Variants in LRRTM4 observed in about 807,000 individuals in gnomAD.
LRRTM4 encodes the protein leucine-rich repeat transmembrane neuronal protein 4.
A neutral mutation model predicts 47.6 loss-of-function variants in LRRTM4; 25 were observed. That is an observed-to-expected ratio of 0.53 (90% CI 0.38 to 0.73). The LOEUF is 0.73. Among genes scored for constraint, LRRTM4 ranks in the 30% least tolerant of loss-of-function variants. The pLI, the probability that LRRTM4 is intolerant of heterozygous loss-of-function variation, is 0.00. For synonymous variants in LRRTM4, 311 were observed against 269.5 expected (o/e 1.15, Z -1.51); for missense variants, 638 against 713.4 (o/e 0.89, Z 1.20).
At chr2:77,437,321 A>G (rs1233524996) in intron 3 of LRRTM4, among the ~76,000 whole-genome samples, 1 of 152,076 alleles carries the variant, frequency 6.6e-6, no homozygotes, top group Non-Finnish European at 1.5e-5. Context: ...ATTTCACAAC[A>G]GCTTCCTATT....
chr2:76,964,360 G>A (rs1675955923), intron 3 of LRRTM4, among the ~76,000 whole-genome samples: 1 of 150,928 alleles, frequency 6.6e-6, no homozygotes, highest in African/African-American at 2.4e-5. Flanking sequence ...TGAAATATGT[G>A]GAGGAAATAA....
chr2:77,115,644 G>A (rs1572977289), intron 3 of LRRTM4, among the ~76,000 whole-genome samples: 1 of 152,136 alleles, frequency 6.6e-6, no homozygotes, highest in African/African-American at 2.4e-5. Flanking sequence ...AGTGGAACTT[G>A]GTAGCAAGAT....
At position 77,397,500 on chromosome 2, in the gene LRRTM4, T is replaced by C. The variant is rs562354085; in HGVS notation, c.1551+120818A>G. ...TATGACCTGGTCAAATTATTTATAATCTCTAAAAAGTAATTTATCAATCTA... is the reference window on the plus strand; with the variant it reads ...TATGACCTGGTCAAATTATTTATAACCTCTAAAAAGTAATTTATCAATCTA... On this transcript the variant is annotated intron_variant, in intron 3 of 3. Coordinates refer to ENST00000409884, the MANE Select transcript of LRRTM4 (RefSeq NM_001134745.3). Among the ~76,000 whole-genome samples, 11 of 151,884 alleles carry C rather than the reference T, an allele frequency of 7.2e-5. No homozygotes were observed. The South Asian group carries it at 8.3e-4, about 11-fold the overall frequency.
intron 3 of LRRTM4, among the ~76,000 whole-genome samples, chr2:77,069,025 A>T (rs564021605): frequency 2.6e-5 from 4 of 152,152 alleles, no homozygotes; most frequent in African/African-American, 4.8e-5. Context: ...TTCGTTTCCC[A>T]TAAGGTATAC....
chr2:76,968,383 T>TATATATATATATACACAC (rs797010446), intron 3 of LRRTM4, among the ~76,000 whole-genome samples: 1 of 111,426 alleles, frequency 9.0e-6, no homozygotes, highest in South Asian at 3.1e-4. Context: ...TATATATATA[T>TATATATATATATACACAC]ACACATACAT....
At chr2:76,941,190 C>T (rs1347918968) in intron 3 of LRRTM4, among the ~76,000 whole-genome samples, 2 of 151,978 alleles carry the variant, frequency 1.3e-5, no homozygotes, top group African/African-American at 4.8e-5. Context: ...AAAGGAAAGG[C>T]GATAAAGCCA....
intron 3 of LRRTM4, among the ~76,000 whole-genome samples, chr2:77,245,140 G>C (rs1675396776): frequency 6.6e-6 from 1 of 152,122 alleles, no homozygotes; most frequent in Non-Finnish European, 1.5e-5. Context: ...AAAAATAGAA[G>C]TGCTTACAGA....
intron 3 of LRRTM4, among the ~76,000 whole-genome samples, chr2:77,221,057 T>C (rs1309776288): frequency 2.6e-5 from 4 of 152,290 alleles, no homozygotes; most frequent in East Asian, 1.9e-4. Flanking sequence ...TATTCAACAT[T>C]CTTAAAGAAA....
intron 3 of LRRTM4, among the ~76,000 whole-genome samples, chr2:76,797,654 A>AAAAG (rs1351986190): frequency 6.6e-6 from 1 of 151,668 alleles, no homozygotes; most frequent in Non-Finnish European, 1.5e-5. Flanking sequence ...TGCTCCAATT[A>AAAAG]AAAGACACAG....
At chr2:76,998,961 G>A (rs12988557) in intron 3 of LRRTM4, among the ~76,000 whole-genome samples, 19,792 of 151,378 alleles carry the variant, frequency 0.13, 1,573 homozygotes, top group Non-Finnish European at 0.18. Context: ...GTAACTACTC[G>A]CCCTAACATG....
chr2:77,315,868 G>A (rs1677603925), intron 3 of LRRTM4, among the ~76,000 whole-genome samples: 1 of 152,164 alleles, frequency 6.6e-6, no homozygotes, highest in Non-Finnish European at 1.5e-5. Context: ...AACTTTGGCT[G>A]GAGCCTTGCT....
chr2:77,289,489 A>G (rs1282834408), intron 3 of LRRTM4, among the ~76,000 whole-genome samples: 1 of 152,076 alleles, frequency 6.6e-6, no homozygotes, highest in Non-Finnish European at 1.5e-5. Context: ...TAACATTTAT[A>G]TTAACCATGG....
At chr2:77,413,843 TACACACACACAC>T (rs60861644) in intron 3 of LRRTM4, among the ~76,000 whole-genome samples, 3 of 150,252 alleles carry the variant, frequency 2.0e-5, no homozygotes, top group Admixed American at 2.0e-4. Flanking sequence ...TCTAGTTTTA[TACACACACACAC>T]ACACACACAC....
intron 3 of LRRTM4, among the ~76,000 whole-genome samples, chr2:76,775,864 G>A (rs955709441): frequency 2.6e-5 from 4 of 151,854 alleles, no homozygotes; most frequent in Admixed American, 6.6e-5. Context: ...CCACTAACTC[G>A]TCATCTAGCA....
chr2:76,793,292 G>T (rs1273829280), intron 3 of LRRTM4, among the ~76,000 whole-genome samples: 2 of 152,102 alleles, frequency 1.3e-5, no homozygotes, highest in African/African-American at 4.8e-5. Context: ...AAGGGTGTGG[G>T]TCATGGGTTA....
intron 3 of LRRTM4, among the ~76,000 whole-genome samples, chr2:77,070,048 A>ATT (rs143031200): frequency 0.014 from 2,060 of 152,100 alleles, 49 homozygotes; most frequent in African/African-American, 0.047. Flanking sequence ...CACAGATCAG[A>ATT]TTATATATAT....
intron 3 of LRRTM4, among the ~76,000 whole-genome samples, chr2:76,949,604 G>A (rs1675434720): frequency 6.6e-6 from 1 of 151,886 alleles, no homozygotes; most frequent in Admixed American, 6.6e-5. Context: ...GAGAAATGGT[G>A]ATGCTCAGTG....
At chr2:77,160,448 A>G (rs186273783) in intron 3 of LRRTM4, among the ~76,000 whole-genome samples, 1 of 152,094 alleles carries the variant, frequency 6.6e-6, no homozygotes, top group East Asian at 1.9e-4. Flanking sequence ...TCACTTCAGT[A>G]TTTTAGTGTT....
chr2:76,915,567 A>G (rs1674214531), intron 3 of LRRTM4, among the ~76,000 whole-genome samples: 1 of 152,164 alleles, frequency 6.6e-6, no homozygotes, highest in Non-Finnish European at 1.5e-5. Flanking sequence ...TACCTTTGTC[A>G]CTTAAGTAAA....
Sources: allele counts gnomAD v4.1 joint callset (sites outside exome capture counted in the v4.1 genomes callset), GRCh38; gene constraint gnomAD v4.1.1; transcripts MANE v1.5; gene names NCBI Gene and HGNC (gene_info 2026-07-23, HGNC 2026-07-21).